The following GPR161 variants were observed in gnomAD, a reference collection of about 807,000 sequenced individuals.
GPR161 encodes the protein G protein-coupled receptor 161.
GPR161 carries 25 observed loss-of-function variants against 39.2 expected under a neutral mutation model. The ratio of observed to expected loss-of-function variants is 0.64; its 90% CI spans 0.47 to 0.89. The LOEUF (loss-of-function observed/expected upper bound fraction) is 0.89. Among genes scored for constraint, GPR161 ranks in the 40% least tolerant of loss-of-function variants. The pLI, the probability that GPR161 is intolerant of heterozygous loss-of-function variation, is 0.00. For missense variants in GPR161, 547 were observed against 677.8 expected (o/e 0.81, Z 2.14); for synonymous variants, 286 against 276.6 (o/e 1.03, Z -0.34).
intron 2 of GPR161, among the ~76,000 whole-genome samples, chr1:168,103,570 T>C (rs1174992798): frequency 6.6e-6 from 1 of 152,152 alleles, no homozygotes; most frequent in Non-Finnish European, 1.5e-5. Flanking sequence ...ACAGTTCCAC[T>C]ACCACTCATC....
At chr1:168,104,128 G>C (rs374341301) in intron 2 of GPR161, among the ~76,000 whole-genome samples, 8 of 152,180 alleles carry the variant, frequency 5.3e-5, no homozygotes, top group Non-Finnish European at 1.0e-4. Flanking sequence ...GGTCACACTG[G>C]GAGAAAGAGA....
chr1:168,094,866 T>G (rs537685375), intron 3 of GPR161, among the ~76,000 whole-genome samples: 1 of 152,310 alleles, frequency 6.6e-6, no homozygotes, highest in South Asian at 2.1e-4. Context: ...AAATGTGTCC[T>G]GAGTCAGTGG....
At chr1:168,132,724 G>T (rs1572396946) in intron 1 of GPR161, among the ~76,000 whole-genome samples, 1 of 152,090 alleles carries the variant, frequency 6.6e-6, no homozygotes, top group East Asian at 1.9e-4. Context: ...ACATTTTTAG[G>T]TTTGTTTTTG....
At chr1:168,122,705 C>T (rs1486390744) in intron 1 of GPR161, among the ~76,000 whole-genome samples, 3 of 152,182 alleles carry the variant, frequency 2.0e-5, no homozygotes, top group Admixed American at 6.5e-5. Context: ...CTTGCTGTTT[C>T]GTATGCCCAG....
At chr1:168,094,275 AT>A (rs3835595) in intron 3 of GPR161, among the ~76,000 whole-genome samples, 2 of 150,382 alleles carry the variant, frequency 1.3e-5, no homozygotes, top group Admixed American at 6.6e-5. Flanking sequence ...GAAAACATCT[AT>A]TTTTTTTTGC....
rs533270910 is a variant in GPR161, at chr1:168,106,064, T to C, written c.-44-1170A>G. Among the ~76,000 whole-genome samples, 3 of 152,236 alleles carry C rather than the reference T, an allele frequency of 2.0e-5. No individual in the cohort carries two copies. The South Asian group carries it at 6.2e-4, about 32-fold the overall frequency. The stretch of plus-strand genomic sequence containing the variant: ...CCTTCCCCTCACCAGCAGTCCTAAG[T>C]GCCAGAGAGAAAGCTTCCCTCATAG... On this transcript the variant is annotated intron_variant, in intron 1 of 5. Coordinates refer to ENST00000682931, the MANE Select transcript of GPR161 (RefSeq NM_001375883.1).
At chr1:168,130,196 A>G (rs1011148476) in intron 1 of GPR161, among the ~76,000 whole-genome samples, 2 of 152,092 alleles carry the variant, frequency 1.3e-5, no homozygotes, top group Admixed American at 6.5e-5. Flanking sequence ...GGCCTCCTCG[A>G]TATCTCTTAC....
intron 1 of GPR161, among the ~76,000 whole-genome samples, chr1:168,130,223 C>T (rs768694071): frequency 6.6e-6 from 1 of 152,254 alleles, no homozygotes; most frequent in Non-Finnish European, 1.5e-5. Context: ...CCAGCAGTTG[C>T]TCCTCTGGAG....
At chr1:168,086,683 C>A (rs1694531871) in intron 5 of GPR161, among the ~76,000 whole-genome samples, 1 of 152,158 alleles carries the variant, frequency 6.6e-6, no homozygotes, top group African/African-American at 2.4e-5. Flanking sequence ...GGTTGGGGAG[C>A]ATTTAGTTCA....
chr1:168,125,826 C>A (rs925325335), intron 1 of GPR161, among the ~76,000 whole-genome samples: 1 of 152,246 alleles, frequency 6.6e-6, no homozygotes, highest in Middle Eastern at 3.4e-3. Context: ...CCGTGTTAGC[C>A]AGGCTGGTCT....
chr1:168,096,974 G>T lies in GPR161; in HGVS notation c.633C>A (p.Ile211=), dbSNP rs530886675. ...GTGCCTTGACCCTGGCCACGCGGAA[G>T]ATGAAGCCATAGCACACCAGCATGA... is the stretch of plus-strand genomic sequence containing the variant. ...FLVMLVCYGF[I]FRVARVKARK... The change falls in exon 3 of 6, where the codon ATC becomes ATA. Residue 211 remains isoleucine, a synonymous_variant. Coordinates refer to ENST00000682931, the MANE Select transcript of GPR161 (RefSeq NM_001375883.1). 1 of 1,614,066 alleles carries T rather than the reference G, an allele frequency of 6.2e-7. No individual in the cohort carries two copies. The highest frequency in any genetic ancestry group is 1.3e-5 in the African/African-American group (1 of 74,912).
At chr1:168,089,176 A>G (rs1694824619) in intron 4 of GPR161, 1 of 151,562 alleles carries the variant, frequency 6.6e-6, no homozygotes, top group Non-Finnish European at 1.5e-5. Context: ...CCAAGGCAGG[A>G]ACGTGGCAAA....
intron 1 of GPR161, among the ~76,000 whole-genome samples, chr1:168,108,818 T>C (rs1161211661): frequency 2.6e-5 from 4 of 152,186 alleles, no homozygotes; most frequent in African/African-American, 9.6e-5. Context: ...TAAGTTTACT[T>C]AGTAGGTTAG....
chr1:168,096,849 C>T lies in GPR161; in HGVS notation c.758G>A (p.Arg253Lys), dbSNP rs1388342478. The T allele has an allele frequency of 6.2e-7, 1 of 1,614,176 alleles. No individual in the cohort carries two copies. Among genetic ancestry groups the T allele is most frequent in the Admixed American group, 1.7e-5 (1 of 60,026 alleles). Residue 253 changes from arginine (R) to lysine (K), a missense_variant, in exon 3 of 6, where the codon AGG becomes AAG. Coordinates refer to ENST00000682931, the MANE Select transcript of GPR161 (RefSeq NM_001375883.1). ...STSTSSSGSR[R>K]NAFQGVVYSA... The stretch of plus-strand genomic sequence containing the variant: ...GTAGACCACACCCTGAAAGGCATTC[C>T]TCCTGCTGCCTGAAGAGGAGGTGGA...
At chr1:168,108,060 G>A (rs1231854597) in intron 1 of GPR161, among the ~76,000 whole-genome samples, 2 of 152,190 alleles carry the variant, frequency 1.3e-5, no homozygotes, top group Admixed American at 1.3e-4. Context: ...CAATTATGGT[G>A]CAGCATCTGT....
intron 2 of GPR161, among the ~76,000 whole-genome samples, chr1:168,099,425 C>T (rs993080894): frequency 1.3e-5 from 2 of 152,148 alleles, no homozygotes; most frequent in South Asian, 2.1e-4. Context: ...AGTGTACGGC[C>T]GGTTGTGGGA....
upstream of GPR161, chr1:168,137,203 T>C (rs1460560492): frequency 7.0e-7 from 1 of 1,436,682 alleles, no homozygotes; most frequent in Non-Finnish European, 9.1e-7. Flanking sequence ...AAAACCTTTG[T>C]GGTGCCTAAC....
rs1387888013 is a variant in GPR161 at position 168,110,547 on chromosome 1, GA to G, written c.-44-5654del. Among the ~76,000 whole-genome samples, 3 of 23,628 alleles carry G rather than the reference GA, an allele frequency of 1.3e-4. No individual in the cohort carries two copies. In the East Asian group the frequency reaches 2.8e-3, roughly 22 times the overall value. The allele number at this position is 23,628 out of a possible 152,430, so 15.5% of individuals were successfully genotyped here. A position where few individuals can be genotyped will look rare whatever the true frequency, so the allele number is the denominator to read the frequency against. On this transcript the variant is annotated intron_variant, in intron 1 of 5. Coordinates refer to ENST00000682931, the MANE Select transcript of GPR161 (RefSeq NM_001375883.1). ...ACGAAAGAAAGGAAAGGAAAGAAAAGAAAAGAAAAGAAAAGAAAAGAAAAGA... is the reference window on the plus strand; with the variant it reads ...ACGAAAGAAAGGAAAGGAAAGAAAAGAAAGAAAAGAAAAGAAAAGAAAAGA...
intron 2 of GPR161, among the ~76,000 whole-genome samples, chr1:168,101,667 T>C (rs1442843572): frequency 6.6e-6 from 1 of 152,172 alleles, no homozygotes; most frequent in African/African-American, 2.4e-5. Context: ...GCTAACAAGG[T>C]TACCATGAGG....
Sources: allele counts gnomAD v4.1 joint callset (sites outside exome capture counted in the v4.1 genomes callset), GRCh38; gene constraint gnomAD v4.1.1; transcripts MANE v1.5; gene names NCBI Gene and HGNC (gene_info 2026-07-23, HGNC 2026-07-21).